PPARGC1A: variants seen among roughly 807,000 people sequenced by gnomAD.
PPARGC1A encodes peroxisome proliferator-activated receptor gamma coactivator 1-alpha.
Under a neutral mutation model 88.7 loss-of-function variants are expected in PPARGC1A, and 25 were observed. The ratio of observed to expected loss-of-function variants is 0.28; its 90% confidence interval spans 0.21 to 0.39. The LOEUF is 0.39. Ranked by LOEUF, PPARGC1A falls within the 10% of genes least tolerant of loss-of-function variation. The pLI is 1.00. For missense variants in PPARGC1A, 880 were observed against 968.7 expected (o/e 0.91, Z 1.22); for synonymous variants, 363 against 355.6 (o/e 1.02, Z -0.24).
chr4:24,008,984 C>T, the PPARGC1A span, among the ~76,000 whole-genome samples: 1 of 152,008 alleles, frequency 6.6e-6, no homozygotes, highest in African/African-American at 2.4e-5. Flanking sequence ...GCAGCTCTCT[C>T]CTCAACTCTC....
the PPARGC1A span, among the ~76,000 whole-genome samples, chr4:24,300,218 TTA>T: frequency 6.6e-6 from 1 of 152,138 alleles, no homozygotes; most frequent in Non-Finnish European, 1.5e-5. Context: ...TGCCACATTT[TTA>T]TATATAAGAC....
chr4:24,291,708 G>C, the PPARGC1A span, among the ~76,000 whole-genome samples: 1 of 152,184 alleles, frequency 6.6e-6, no homozygotes, highest in Admixed American at 6.5e-5. Context: ...CACTGAAGCT[G>C]AACTCAGCGG....
chr4:23,905,279 G>C (rs532062345), upstream of PPARGC1A, among the ~76,000 whole-genome samples: 1 of 152,326 alleles, frequency 6.6e-6, no homozygotes, highest in South Asian at 2.1e-4. Flanking sequence ...AGACAAGGAA[G>C]TCAACAACTG....
At chr4:24,049,124 A>C in the PPARGC1A span, among the ~76,000 whole-genome samples, 1 of 151,152 alleles carries the variant, frequency 6.6e-6, no homozygotes, top group East Asian at 1.9e-4. Flanking sequence ...TTATACACAC[A>C]TACATGTGTG....
chr4:24,346,422 G>A, the PPARGC1A span, among the ~76,000 whole-genome samples: 2 of 151,832 alleles, frequency 1.3e-5, no homozygotes, highest in African/African-American at 4.8e-5. Flanking sequence ...GACTTTTTTT[G>A]TTAGTAAATT....
At chr4:24,005,766 A>C in the PPARGC1A span, among the ~76,000 whole-genome samples, 1 of 152,088 alleles carries the variant, frequency 6.6e-6, no homozygotes, top group Non-Finnish European at 1.5e-5. Flanking sequence ...GGCTCTGAAC[A>C]TGTGTTGATT....
chr4:24,399,561 T>C, the PPARGC1A span, among the ~76,000 whole-genome samples: 7 of 152,144 alleles, frequency 4.6e-5, no homozygotes, highest in African/African-American at 1.7e-4. Context: ...CAAAAGGACA[T>C]TATGTGTAAG....
chr4:24,168,514 A>G, the PPARGC1A span, among the ~76,000 whole-genome samples: 1 of 152,228 alleles, frequency 6.6e-6, no homozygotes, highest in African/African-American at 2.4e-5. Context: ...AAAAGGAATC[A>G]GGACTCTGTA....
chr4:23,982,772 G>A, the PPARGC1A span, among the ~76,000 whole-genome samples: 3 of 152,138 alleles, frequency 2.0e-5, no homozygotes, highest in Non-Finnish European at 2.9e-5. Flanking sequence ...CACTCACATG[G>A]AGAGAGTTGT....
At chr4:24,350,552 C>T in the PPARGC1A span, among the ~76,000 whole-genome samples, 2 of 152,160 alleles carry the variant, frequency 1.3e-5, no homozygotes, top group African/African-American at 4.8e-5. Context: ...CTTACACCTA[C>T]TGAACGCATA....
the PPARGC1A span, among the ~76,000 whole-genome samples, chr4:24,097,804 TTC>T: frequency 6.6e-6 from 1 of 152,164 alleles, no homozygotes; most frequent in African/African-American, 2.4e-5. Flanking sequence ...ATGCTCACCA[TTC>T]TCTCTGTAAA....
the PPARGC1A span, among the ~76,000 whole-genome samples, chr4:24,393,042 CACACA>C: frequency 3.8e-5 from 5 of 131,962 alleles, no homozygotes; most frequent in Admixed American, 7.9e-5. Context: ...CACACACACA[CACACA>C]CCCCTTTTTC....
intron 2 of PPARGC1A, among the ~76,000 whole-genome samples, chr4:23,834,262 T>A (rs1408453195): frequency 6.6e-6 from 1 of 152,070 alleles, no homozygotes; most frequent in African/African-American, 2.4e-5. Flanking sequence ...ATCTTGCCAC[T>A]GCACTCCAGC....
At chr4:24,126,081 A>G in the PPARGC1A span, among the ~76,000 whole-genome samples, 1 of 152,204 alleles carries the variant, frequency 6.6e-6, no homozygotes, top group African/African-American at 2.4e-5. Flanking sequence ...ATCAGAGAGT[A>G]AAGTGACTTG....
At chr4:24,358,374 G>A in the PPARGC1A span, among the ~76,000 whole-genome samples, 9 of 152,202 alleles carry the variant, frequency 5.9e-5, no homozygotes, top group Admixed American at 1.3e-4. Context: ...GAGGCAACAG[G>A]AAGATAAGTA....
At chr4:23,906,538 T>C (rs1577716135), upstream of PPARGC1A, among the ~76,000 whole-genome samples, 2 of 132,080 alleles carry the variant, frequency 1.5e-5, no homozygotes, top group Admixed American at 9.2e-5. Flanking sequence ...ACCCAGGAGG[T>C]GGAGGTTGCA....
chr4:24,416,300 T>A, the PPARGC1A span, among the ~76,000 whole-genome samples: 1 of 128,030 alleles, frequency 7.8e-6, no homozygotes, highest in Non-Finnish European at 1.7e-5. Flanking sequence ...AACAGCTTTG[T>A]AATCTATTTA....
At chr4:24,365,448 T>A in the PPARGC1A span, among the ~76,000 whole-genome samples, 1 of 152,192 alleles carries the variant, frequency 6.6e-6, no homozygotes, top group African/African-American at 2.4e-5. Context: ...AGTGCTATAT[T>A]AGCAATTAAT....
the PPARGC1A span, among the ~76,000 whole-genome samples, chr4:24,291,492 T>A: frequency 6.6e-6 from 1 of 152,182 alleles, no homozygotes; most frequent in Non-Finnish European, 1.5e-5. Flanking sequence ...GGCAAGGCAC[T>A]GAGTAGCACA....
Sources: allele counts gnomAD v4.1 joint callset (sites outside exome capture counted in the v4.1 genomes callset), GRCh38; gene constraint gnomAD v4.1.1; transcripts MANE v1.5; gene names NCBI Gene and HGNC (gene_info 2026-07-23, HGNC 2026-07-21).